The following IAH1 variants were observed in gnomAD, a reference collection of about 807,000 sequenced individuals.
The protein encoded by IAH1 is isoamyl acetate hydrolyzing esterase 1 (putative), also known as isoamyl acetate-hydrolyzing esterase 1 homolog.
IAH1 carries 24 observed loss-of-function variants against 26.7 expected under a neutral mutation model. That is an observed-to-expected ratio of 0.90 (90% CI 0.65 to 1.26). The LOEUF is 1.26. Ranked by LOEUF, IAH1 falls within the 50% of genes most tolerant of loss-of-function variation. The pLI is 0.00. For missense variants in IAH1, 300 were observed against 299.9 expected, an observed-to-expected ratio of 1.00 and a Z score of 0.00; for synonymous variants, 140 against 118.5, an observed-to-expected ratio of 1.18 and a Z score of -1.18.
the IAH1 span, among the ~76,000 whole-genome samples, chr2:9,503,726 T>TA: frequency 1.3e-5 from 2 of 150,718 alleles, no homozygotes; most frequent in Admixed American, 1.3e-4. Context: ...TAATCCCAGC[T>TA]ACTGGGGAGG....
intron 4 of IAH1, among the ~76,000 whole-genome samples, chr2:9,482,556 T>TG (rs1308122235): frequency 6.6e-6 from 1 of 152,106 alleles, no homozygotes; most frequent in African/African-American, 2.4e-5. Flanking sequence ...AGTGGAGAAA[T>TG]GGAGTCTTAG....
At chr2:9,507,423 A>G in the IAH1 span, among the ~76,000 whole-genome samples, 1 of 152,066 alleles carries the variant, frequency 6.6e-6, no homozygotes, top group Non-Finnish European at 1.5e-5. Flanking sequence ...AATCGCTTGA[A>G]CCTGGGAGGT....
rs375131640 is a variant in IAH1, at chr2:9,484,480, C to T, written c.494C>T (p.Ala165Val). 6.8e-6 allele frequency: 11 copies of T among 1,614,152 alleles called. No homozygotes were observed. Among genetic ancestry groups the T allele is most frequent in the African/African-American group, 5.3e-5 (4 of 75,034 alleles). ...LNSVVGEYAN[A>V]CLQVAQDCGT... ...TCTGTTGTTGGTGAATATGCCAATGCGTGTTTACAAGTGGCCCAAGACTGT... is the reference window on the plus strand; with the variant it reads ...TCTGTTGTTGGTGAATATGCCAATGTGTGTTTACAAGTGGCCCAAGACTGT... Residue 165 changes from alanine (A) to valine (V), a missense_variant, in exon 5 of 6, where the codon GCG (alanine) becomes GTG (valine). Coordinates refer to ENST00000497473, the MANE Select transcript of IAH1 (RefSeq NM_001039613.3).
intron 1 of IAH1, chr2:9,475,263 CCTCTT>C (rs920791373): frequency 2.3e-5 from 27 of 1,191,386 alleles, no homozygotes; most frequent in South Asian, 3.8e-5. Context: ...CTGTGTGTGT[CCTCTT>C]CTCAGACAGG....
At chr2:9,502,681 T>C in the IAH1 span, among the ~76,000 whole-genome samples, 2 of 151,760 alleles carry the variant, frequency 1.3e-5, no homozygotes, top group African/African-American at 4.8e-5. Context: ...GAGTTCGAGA[T>C]GAGCCTGGCC....
chr2:9,509,874 C>T, the IAH1 span: 4 of 1,414,754 alleles, frequency 2.8e-6, no homozygotes, highest in Admixed American at 7.9e-5. Context: ...GCACATCCAT[C>T]CCTAGGGAAA....
the IAH1 span, chr2:9,505,250 T>C: frequency 6.2e-7 from 1 of 1,614,174 alleles, no homozygotes; most frequent in Non-Finnish European, 8.5e-7. Context: ...ATCACACTCT[T>C]CTCCTTCATC....
In IAH1 at chr2:9,488,549, C is replaced by A. The variant is rs1226612854; in HGVS notation, c.*220C>A. On this transcript the variant is annotated 3_prime_UTR_variant, in exon 6 of 6. Coordinates refer to ENST00000497473, the MANE Select transcript of IAH1 (RefSeq NM_001039613.3). ...CTACAGCTATAAAATATACCCTGAG[C>A]AGCTTGTTAATTCTATAAATGACAA... 8.0e-6 allele frequency: 3 copies of A among 375,378 alleles called. No individual in the cohort carries two copies. Among genetic ancestry groups the A allele is most frequent in the Non-Finnish European group, 1.4e-5 (3 of 212,496 alleles). 23.3% of individuals were successfully genotyped at this position (375,378 alleles called of 1,614,324 possible).
chr2:9,478,955 G>C (rs554819143), intron 3 of IAH1, among the ~76,000 whole-genome samples: 4 of 152,280 alleles, frequency 2.6e-5, no homozygotes, highest in African/African-American at 9.6e-5. Context: ...TTTGTTTTGG[G>C]AAGTTAGGTA....
chr2:9,487,253 G>GT (rs1661560125), intron 5 of IAH1, among the ~76,000 whole-genome samples: 1 of 152,040 alleles, frequency 6.6e-6, no homozygotes, highest in African/African-American at 2.4e-5. Flanking sequence ...AAAAATATGT[G>GT]TATCTTTTTA....
chr2:9,489,798 G>A (rs921082899), downstream of IAH1: 27 of 131,780 alleles, frequency 2.0e-4, no homozygotes, highest in East Asian at 3.5e-3. Context: ...CATATTCAGC[G>A]GTTCATTACA....
chr2:9,511,294 C>A, the IAH1 span, among the ~76,000 whole-genome samples: 1 of 151,848 alleles, frequency 6.6e-6, no homozygotes, highest in African/African-American at 2.4e-5. Flanking sequence ...ACTAAAAATA[C>A]AAAAAATTAG....
intron 6 of IAH1, chr2:9,496,251 C>T (rs1428126779): frequency 6.6e-6 from 1 of 152,306 alleles, no homozygotes; most frequent in Middle Eastern, 3.4e-3. Flanking sequence ...GCCTCAGCCT[C>T]CCTAGCAGCT....
intron 2 of IAH1, among the ~76,000 whole-genome samples, chr2:9,476,936 G>A (rs771990705): frequency 1.1e-4 from 17 of 152,188 alleles, no homozygotes; most frequent in Non-Finnish European, 2.2e-4. Flanking sequence ...AGGCTTGAGT[G>A]CAGCAGTGTG....
the IAH1 span, among the ~76,000 whole-genome samples, chr2:9,512,096 A>G: frequency 6.6e-6 from 1 of 152,068 alleles, no homozygotes; most frequent in Non-Finnish European, 1.5e-5. Flanking sequence ...TTTGCAAGTC[A>G]TTTTTCTATA....
downstream of IAH1, chr2:9,490,133 T>C: frequency 6.6e-7 from 1 of 1,506,478 alleles, no homozygotes; most frequent in Non-Finnish European, 9.0e-7. Context: ...GTCAAATCTA[T>C]AAAAATATTT....
chr2:9,508,569 C>G, the IAH1 span, among the ~76,000 whole-genome samples: 56 of 152,286 alleles, frequency 3.7e-4, no homozygotes, highest in African/African-American at 1.3e-3. Flanking sequence ...TCACTCATGT[C>G]CTTTTACAGT....
chr2:9,502,708 A>C, the IAH1 span, among the ~76,000 whole-genome samples: 1 of 151,054 alleles, frequency 6.6e-6, no homozygotes, highest in Non-Finnish European at 1.5e-5. Flanking sequence ...GTGAAACCCC[A>C]TCTCTACTAA....
At chr2:9,484,306 G>T (rs1045115771) in intron 4 of IAH1, 126 bp from the exon 5 acceptor site, 2 of 756,498 alleles carry the variant, frequency 2.6e-6, no homozygotes, top group Admixed American at 1.9e-5. Flanking sequence ...CTAAACCCCG[G>T]GGCTGGCCCA....
Sources: gnomAD v4.1 joint callset for allele counts (sites outside exome capture counted in the v4.1 genomes callset) on GRCh38, gnomAD v4.1.1 for gene constraint, MANE v1.5 for transcripts, NCBI Gene and HGNC (gene_info 2026-07-23, HGNC 2026-07-21) for gene names.